The following GTF2I variants were observed in gnomAD, a reference collection of about 807,000 sequenced individuals.
The protein encoded by GTF2I is general transcription factor IIi.
In GTF2I, 12 loss-of-function variants were observed where a neutral mutation model predicts 67.6. That is an observed-to-expected ratio of 0.18 (90% CI 0.11 to 0.29). GTF2I has a LOEUF of 0.29. Ranked by LOEUF, GTF2I falls within the 10% of genes least tolerant of loss-of-function variation. The pLI is 1.00. For synonymous variants in GTF2I, 149 were observed against 197.0 expected, an observed-to-expected ratio of 0.76 and a Z score of 2.04; for missense variants, 271 against 580.1, an observed-to-expected ratio of 0.47 and a Z score of 5.47.
intron 6 of GTF2I, among the ~76,000 whole-genome samples, chr7:74,700,848 A>G (rs1443271125): frequency 6.6e-6 from 1 of 152,226 alleles, no homozygotes; most frequent in Non-Finnish European, 1.5e-5. Context: ...CTTGTTTTCT[A>G]TAGAAGATCA....
At chr7:74,702,998 A>G (rs1352743021) in intron 6 of GTF2I, among the ~76,000 whole-genome samples, 1 of 151,942 alleles carries the variant, frequency 6.6e-6, no homozygotes, top group African/African-American at 2.4e-5. Context: ...CAGCCTCCCA[A>G]AGTGCTGGGA....
At chr7:74,684,107 C>T (rs1198349980) in intron 1 of GTF2I, among the ~76,000 whole-genome samples, 2 of 152,156 alleles carry the variant, frequency 1.3e-5, no homozygotes, top group African/African-American at 2.4e-5. Context: ...CAGGTGGCTT[C>T]TGGAGCACCA....
intron 8 of GTF2I, among the ~76,000 whole-genome samples, chr7:74,709,287 C>T (rs1554402112): frequency 2.0e-5 from 3 of 152,128 alleles, no homozygotes; most frequent in African/African-American, 4.8e-5. Context: ...CTCACTCTGT[C>T]GTCCAGACTG....
chr7:74,673,938 C>G (rs1805678499), intron 1 of GTF2I, among the ~76,000 whole-genome samples: 2 of 151,998 alleles, frequency 1.3e-5, no homozygotes, highest in Admixed American at 1.3e-4. Context: ...CTCGGCCTCC[C>G]AAAGTGCTGG....
intron 6 of GTF2I, among the ~76,000 whole-genome samples, chr7:74,701,730 G>T (rs1789797572): frequency 6.6e-6 from 1 of 152,138 alleles, no homozygotes; most frequent in Admixed American, 6.5e-5. Context: ...CTCCCAAAGT[G>T]CTGGGATTAC....
chr7:74,700,305 C>G lies in GTF2I; in HGVS notation c.432C>G (p.Asp144Glu). 1.2e-6 allele frequency: 2 copies of G among 1,614,100 alleles called. No homozygotes were observed. Among genetic ancestry groups the G allele is most frequent in the Non-Finnish European group, 1.7e-6 (2 of 1,180,028 alleles). ...VPVPYEKMLR[D>E]QSAVVVQGLP... ...TACCATATGAGAAGATGCTGCGAGA[C>G]CAGTCGGCTGTGGTAGTGCAGGGGC... Residue 144 changes from aspartate to glutamate, a missense_variant, in exon 5 of 35, where the codon GAC (aspartate) becomes GAG (glutamate). Asp to Glu is a conservative substitution (Grantham distance 45). This residue lies in a region of GTF2I where 38 missense variants were observed against 87.8 expected (regional missense o/e 0.43). Coordinates refer to ENST00000573035, the MANE Select transcript of GTF2I (RefSeq NM_032999.4).
At position 74,708,472 on chromosome 7, in the gene GTF2I, T is replaced by C. The variant is rs1373716117; in HGVS notation, c.685+2039T>C. On this transcript the variant is annotated intron_variant, in intron 8 of 34. Coordinates refer to ENST00000573035, the MANE Select transcript of GTF2I (RefSeq NM_032999.4). ...TGGGGTAGTGTTTGGCTGGTGCTGG[T>C]GGCTGAGGGGCATGGTGAGGCTGCT... 2.6e-5 allele frequency among the ~76,000 whole-genome samples: 4 copies of C among 152,252 alleles called. No homozygotes were observed. In the East Asian group the frequency reaches 7.7e-4, roughly 29 times the overall value.
chr7:74,715,248 A>C (rs1792113280), intron 10 of GTF2I, among the ~76,000 whole-genome samples: 1 of 152,084 alleles, frequency 6.6e-6, no homozygotes, highest in African/African-American at 2.4e-5. Context: ...AAATATTGAT[A>C]AGGTCAGGTT....
chr7:74,689,688 T>G (rs1788086294), intron 2 of GTF2I, among the ~76,000 whole-genome samples: 1 of 151,768 alleles, frequency 6.6e-6, no homozygotes, highest in South Asian at 2.1e-4. Context: ...GTTATGGGTT[T>G]AAGCCTTTCA....
intron 3 of GTF2I, 81 bp downstream of exon 3, chr7:74,691,192 C>CT: frequency 2.2e-6 from 2 of 893,372 alleles, no homozygotes; most frequent in Admixed American, 6.1e-5. Flanking sequence ...ATATTATTTT[C>CT]TTTCTTTCTT....
chr7:74,714,478 C>CA (rs1792006786), intron 9 of GTF2I, among the ~76,000 whole-genome samples: 1 of 152,014 alleles, frequency 6.6e-6, no homozygotes, highest in Admixed American at 6.5e-5. Context: ...AAAGAAGAAA[C>CA]AAATAAACCT....
At chr7:74,700,453 A>C in intron 5 of GTF2I, 23 bp downstream of exon 5, 1 of 1,612,916 alleles carries the variant, frequency 6.2e-7, no homozygotes, top group Admixed American at 1.7e-5. Flanking sequence ...CTCCCTTTGT[A>C]CCCATCAACA....
chr7:74,670,003 T>C (rs988827589), intron 1 of GTF2I, among the ~76,000 whole-genome samples: 5 of 152,222 alleles, frequency 3.3e-5, no homozygotes, highest in African/African-American at 4.8e-5. Context: ...TAGGTTATTT[T>C]ATTTAGCCGT....
chr7:74,732,174 C>CAT (rs1283960537), intron 14 of GTF2I, among the ~76,000 whole-genome samples: 5 of 147,318 alleles, frequency 3.4e-5, no homozygotes, highest in African/African-American at 2.5e-5. Context: ...AACACATATA[C>CAT]ATATATATAT....
intron 1 of GTF2I, among the ~76,000 whole-genome samples, chr7:74,680,813 G>A (rs978748561): frequency 4.6e-5 from 7 of 152,124 alleles, no homozygotes; most frequent in African/African-American, 1.7e-4. Flanking sequence ...TAAAGCAGAA[G>A]TACAGACAAA....
intron 3 of GTF2I, among the ~76,000 whole-genome samples, chr7:74,692,015 G>A (rs1788357203): frequency 6.6e-6 from 1 of 150,890 alleles, no homozygotes. Context: ...GACCTCAGGT[G>A]ATCTGCTTGC....
rs1222511538 is a variant in GTF2I at position 74,700,231 on chromosome 7, T to C, written c.374-16T>C. The C allele has an allele frequency of 1.2e-6, 2 of 1,611,638 alleles. No individual in the cohort carries two copies. Among genetic ancestry groups the C allele is most frequent in the African/African-American group, 2.7e-5 (2 of 74,860 alleles). ...TTACCATTGAATGATGTTCATCCGC[T>C]TTTCATCTGCCCCAGGGAAAGCTTT... On this transcript the variant is annotated splice_polypyrimidine_tract_variant and intron_variant, in intron 4 of 34. Transcript: ENST00000573035.
At chr7:74,711,893 AG>A (rs1415192460) in intron 9 of GTF2I, among the ~76,000 whole-genome samples, 1 of 150,614 alleles carries the variant, frequency 6.6e-6, no homozygotes, top group African/African-American at 2.4e-5. Flanking sequence ...TTACAAATAG[AG>A]GTACTATGAA....
At chr7:74,677,414 C>T (rs1026568917) in intron 1 of GTF2I, among the ~76,000 whole-genome samples, 25 of 152,102 alleles carry the variant, frequency 1.6e-4, no homozygotes, top group African/African-American at 6.0e-4. Context: ...ATTCTTCTGA[C>T]TGAGGATGTT....
Sources: allele counts gnomAD v4.1 joint callset (sites outside exome capture counted in the v4.1 genomes callset), GRCh38; gene constraint gnomAD v4.1.1; regional missense constraint gnomAD v4.1.1; transcripts MANE v1.5; gene names NCBI Gene and HGNC (gene_info 2026-07-23, HGNC 2026-07-21).